The following CXCL10 variants were observed in gnomAD, a reference collection of about 807,000 sequenced individuals.
The protein encoded by CXCL10 is C-X-C motif chemokine 10.
A neutral mutation model predicts 10.8 loss-of-function variants in CXCL10; 6 were observed. The observed-to-expected ratio is 0.55, with a 90% confidence interval of 0.30 to 1.09. The LOEUF is 1.09. CXCL10 is among the 50% of genes least tolerant of loss of function. The pLI, the probability that CXCL10 is intolerant of heterozygous loss-of-function variation, is 0.06. For missense variants in CXCL10, 114 were observed against 114.3 expected, an observed-to-expected ratio of 1.00 and a Z score of 0.01; for synonymous variants, 35 against 35.8, an observed-to-expected ratio of 0.98 and a Z score of 0.08.
chr4:76,023,318 T>C, intron 1 of CXCL10, 53 bp downstream of exon 1: 1 of 1,353,624 alleles, frequency 7.4e-7, no homozygotes. Context: ...TTAGAATTTA[T>C]ACCTATTCCT....
In CXCL10 at chr4:76,022,817, C is replaced by G; in HGVS notation, c.62G>C (p.Gly21Ala). 6.2e-7 allele frequency: 1 copy of G among 1,607,148 alleles called. No individual in the cohort carries two copies. The highest frequency in any genetic ancestry group is 8.5e-7 in the Non-Finnish European group (1 of 1,179,176). Reference protein sequence around the residue: ...LIFLTLSGIQGVPLSRTVRCT... With the variant: ...LIFLTLSGIQAVPLSRTVRCT... Reference sequence around the variant, plus strand: ...GCGTACAGTTCTAGAGAGAGGTACTCCTGTAGGAAAAGAGGAACAGCAGAG... The same window carrying G: ...GCGTACAGTTCTAGAGAGAGGTACTGCTGTAGGAAAAGAGGAACAGCAGAG... The change falls in exon 2 of 4, where the codon GGA (glycine) becomes GCA (alanine). Residue 21 changes from glycine (G) to alanine (A), a missense_variant and splice_region_variant. Transcript: ENST00000306602.
chr4:76,023,316 T>C, intron 1 of CXCL10, 55 bp downstream of exon 1: 1 of 1,352,070 alleles, frequency 7.4e-7, no homozygotes, highest in Non-Finnish European at 1.1e-6. Context: ...TTTTAGAATT[T>C]ATACCTATTC....
At chr4:76,022,865 T>G (rs770618330) in intron 1 of CXCL10, 48 bp from the exon 2 acceptor site, 1 of 1,576,708 alleles carries the variant, frequency 6.3e-7, no homozygotes, top group South Asian at 1.2e-5. Flanking sequence ...GTGTTCATTT[T>G]AGGCATTTAA....
rs772185671 is a variant in CXCL10 at position 76,021,917 on chromosome 4, C to T, written c.*13G>A. The stretch of plus-strand genomic sequence containing the variant: ...CCTTGGAAGCACTGCATCGATTTTG[C>T]TCCCCTCTGGTTTTAAGGAGATCTT... On this transcript the variant is annotated 3_prime_UTR_variant, in exon 4 of 4. Transcript: ENST00000306602. 32 of 1,610,748 alleles carry T rather than the reference C, an allele frequency of 2.0e-5. No homozygotes were observed. In the South Asian group the frequency reaches 3.4e-4, roughly 17 times the overall value.
In CXCL10 at chr4:76,022,758, T is replaced by C. The variant is rs1307840080; in HGVS notation, c.121A>G (p.Asn41Asp). Residue 41 changes from asparagine to aspartate, a missense_variant, in exon 2 of 4, where the codon AAT (asparagine) becomes GAT (aspartate). Asn to Asp is a conservative substitution (Grantham distance 23). Coordinates refer to ENST00000306602, the MANE Select transcript of CXCL10 (RefSeq NM_001565.4). ...TCAAGTTTTTCTAAAGACCTTGGAT[T>C]AACAGGTTGATTACTAATGCTGATG... ...TCISISNQPV[N>D]PRSLEKLEII... is the part of the protein sequence containing the mutation. 1.9e-6 allele frequency: 3 copies of C among 1,613,438 alleles called. No individual in the cohort carries two copies. Among genetic ancestry groups the C allele is most frequent in the Non-Finnish European group, 2.5e-6 (3 of 1,179,846 alleles).
At chr4:76,022,098 C>T (rs1732887141) in intron 3 of CXCL10, 150 bp from the exon 4 acceptor site, 1 of 844,058 alleles carries the variant, frequency 1.2e-6, no homozygotes, top group South Asian at 1.5e-5. Context: ...TTGCTTTTTT[C>T]AACCATGAAA....
chr4:76,023,489 G>T lies in CXCL10; in HGVS notation c.-58C>A, dbSNP rs1733081954. The T allele has an allele frequency of 1.4e-6, 2 of 1,478,324 alleles. No individual in the cohort carries two copies. Among genetic ancestry groups the T allele is most frequent in the African/African-American group, 1.4e-5 (1 of 72,156 alleles). The allele number at this position is 1,478,324 out of a possible 1,614,324, so 91.6% of individuals were successfully genotyped here. ...CTCAGAATATGTCTAAGCAATTGAG[G>T]AATGTCTCAGAAAACGTGGGGCTAG... On this transcript the variant is annotated 5_prime_UTR_variant, in exon 1 of 4. Coordinates refer to ENST00000306602, the MANE Select transcript of CXCL10 (RefSeq NM_001565.4).
Position 76,021,942 on chromosome 4 carries a change from T to C in CXCL10, c.285A>G (p.Lys95=). ...CTCCCCTCTGGTTTTAAGGAGATCT[T>C]TTAGACCTGTAAGAAGAGAAAGGGG... is the stretch of plus-strand genomic sequence containing the variant. The part of the protein sequence containing the change: ...LLKAVSKERS[K]RSP Residue 95 remains lysine (K), a synonymous_variant, in exon 4 of 4, where the codon AAA becomes AAG. Coordinates refer to ENST00000306602, the MANE Select transcript of CXCL10 (RefSeq NM_001565.4). 6.2e-7 allele frequency: 1 copy of C among 1,611,398 alleles called. No homozygotes were observed. Among genetic ancestry groups the C allele is most frequent in the East Asian group, 2.2e-5 (1 of 44,844 alleles).
Position 76,022,742 on chromosome 4 carries a change from T to A in CXCL10, c.137A>T (p.Glu46Val). Residue 46 changes from glutamate to valine, a missense_variant, in exon 2 of 4, where the codon GAA becomes GTA. Glu to Val is a moderately radical substitution (Grantham distance 121, BLOSUM62 -2). Coordinates refer to ENST00000306602, the MANE Select transcript of CXCL10 (RefSeq NM_001565.4). The part of the protein sequence containing the change: ...SNQPVNPRSL[E>V]KLEIIPASQF... ...GCTTGCAGGAATAATTTCAAGTTTT[T>A]CTAAAGACCTTGGATTAACAGGTTG... 1 of 1,613,822 alleles carries A rather than the reference T, an allele frequency of 6.2e-7. No individual in the cohort carries two copies. The highest frequency in any genetic ancestry group is 8.5e-7 in the Non-Finnish European group (1 of 1,179,886).
chr4:76,022,483 T>C, intron 2 of CXCL10, 28 bp from the exon 3 acceptor site: 2 of 1,597,240 alleles, frequency 1.3e-6, no homozygotes, highest in Non-Finnish European at 1.7e-6. Context: ...GATGAAAATA[T>C]TTAAAACTGT....
Position 76,022,361 on chromosome 4 carries a change from C to T in CXCL10, c.278+5G>A, listed in dbSNP as rs1265536929. 3.1e-6 allele frequency: 5 copies of T among 1,612,104 alleles called. No individual in the cohort carries two copies. Among genetic ancestry groups the T allele is most frequent in the Non-Finnish European group, 4.2e-6 (5 of 1,178,942 alleles). ...CAATTCTTCTGCAGGCAACAGCAAA[C>T]CTACCTTTCCTTGCTAACTGCTTTC... On this transcript the variant is annotated splice_donor_5th_base_variant and intron_variant, in intron 3 of 3. Coordinates refer to ENST00000306602, the MANE Select transcript of CXCL10 (RefSeq NM_001565.4).
At chr4:76,022,308 A>C (rs1474700718) in intron 3 of CXCL10, 58 bp downstream of exon 3, 3 of 1,381,446 alleles carry the variant, frequency 2.2e-6, no homozygotes, top group Non-Finnish European at 3.1e-6. Flanking sequence ...AGTATTTCTG[A>C]CTCCCAAGAT....
At chr4:76,022,301 AT>A (rs1732916705) in intron 3 of CXCL10, 64 bp downstream of exon 3, 1 of 1,325,956 alleles carries the variant, frequency 7.5e-7, no homozygotes, top group East Asian at 2.3e-5. Flanking sequence ...CAATGCAAGT[AT>A]TTCTGACTCC....
intron 1 of CXCL10, 131 bp from the exon 2 acceptor site, chr4:76,022,948 G>T (rs1733005150): frequency 1.2e-6 from 1 of 859,802 alleles, no homozygotes; most frequent in East Asian, 2.5e-5. Context: ...AGGAGGAATG[G>T]ATCACATCAT....
chr4:76,021,255 C>G lies in CXCL10; in HGVS notation c.*675G>C, dbSNP rs1161572055. Reference sequence around the variant, plus strand: ...CTTATGTAACATGCAGAGCATATATCTATCTGTATTTTTAAAATTTTCCTG... The same window carrying G: ...CTTATGTAACATGCAGAGCATATATGTATCTGTATTTTTAAAATTTTCCTG... On this transcript the variant is annotated 3_prime_UTR_variant, in exon 4 of 4. Transcript: ENST00000306602. 6.6e-6 allele frequency: 1 copy of G among 152,214 alleles called. No individual in the cohort carries two copies. Among genetic ancestry groups the G allele is most frequent in the East Asian group, 1.9e-4 (1 of 5,200 alleles). 9.4% of individuals were successfully genotyped at this position (152,214 alleles called of 1,614,324 possible).
chr4:76,021,283 A>G lies in CXCL10; in HGVS notation c.*647T>C, dbSNP rs1732783698. On this transcript the variant is annotated 3_prime_UTR_variant, in exon 4 of 4. Coordinates refer to ENST00000306602, the MANE Select transcript of CXCL10 (RefSeq NM_001565.4). ...TCTGTATTTTTAAAATTTTCCTGTT[A>G]CTCATTGATACATAGTACTTAATTA... 1 of 152,170 alleles carries G rather than the reference A, an allele frequency of 6.6e-6. No homozygotes were observed. Among genetic ancestry groups the G allele is most frequent in the Non-Finnish European group, 1.5e-5 (1 of 68,052 alleles). The allele number at this position is 152,170 out of a possible 1,614,324, so 9.4% of individuals were successfully genotyped here.
chr4:76,022,331 A>G, intron 3 of CXCL10, 35 bp downstream of exon 3: 1 of 1,552,244 alleles, frequency 6.4e-7, no homozygotes. Flanking sequence ...CCGTTTCCTA[A>G]AGAGCAATTC....
At position 76,022,437 on chromosome 4, in the gene CXCL10, C is replaced by A. The variant is rs1321193481; in HGVS notation, c.207G>T (p.Lys69Asn). The A allele has an allele frequency of 6.2e-7, 1 of 1,613,078 alleles. No individual in the cohort carries two copies. Among genetic ancestry groups the A allele is most frequent in the African/African-American group, 1.3e-5 (1 of 74,912 alleles). The change falls in exon 3 of 4, where the codon AAG becomes AAT. Residue 69 changes from lysine to asparagine, a missense_variant. Lys to Asn is a moderately conservative substitution (Grantham distance 94). Transcript: ENST00000306602. ...CTGGATTCAGACATCTCTTCTCACC[C>A]TTCTTTTTCATTGTAGCACTGTAGA... is the stretch of plus-strand genomic sequence containing the variant. The part of the protein sequence containing the change: ...RVEIIATMKK[K>N]GEKRCLNPES...
At chr4:76,022,854 A>G (rs778254950) in intron 1 of CXCL10, 37 bp from the exon 2 acceptor site, 2 of 1,583,128 alleles carry the variant, frequency 1.3e-6, no homozygotes, top group South Asian at 1.1e-5. Context: ...AGGTTAGCAC[A>G]GTGTTCATTT....
Sources: gnomAD v4.1 joint callset for allele counts on GRCh38, gnomAD v4.1.1 for gene constraint, MANE v1.5 for transcripts, NCBI Gene and HGNC (gene_info 2026-07-23, HGNC 2026-07-21) for gene names.